CAMTA2: variants seen among roughly 807,000 people sequenced by gnomAD.
CAMTA2 encodes calmodulin binding transcription activator 2, also known as calmodulin-binding transcription activator 2.
CAMTA2 carries 56 observed loss-of-function variants against 135.7 expected under a neutral mutation model. That is an observed-to-expected ratio of 0.41 (90% CI 0.33 to 0.52). The LOEUF (loss-of-function observed/expected upper bound fraction) is 0.52. CAMTA2 is among the 20% of genes least tolerant of loss of function. CAMTA2 has a pLI of 0.16. For synonymous variants in CAMTA2, 591 were observed against 604.6 expected (o/e 0.98, Z 0.33); for missense variants, 1,358 against 1,553.4 (o/e 0.87, Z 2.11).
chr17:4,970,591 A>C (rs1000248186), intron 16 of CAMTA2, 55 bp from the exon 17 acceptor site: 2 of 1,423,286 alleles, frequency 1.4e-6, no homozygotes, highest in African/African-American at 1.4e-5. Context: ...GCCAGCTGTA[A>C]CCTCAGTCCA....
Position 4,986,954 on chromosome 17 carries a change from C to T in CAMTA2, c.-65+639G>A, listed in dbSNP as rs777935535. ...CCCCTGGCCTCCAGGCCTAGCCTAC[C>T]CCATCTACCGCTCTGGCTCCAGCCT... On this transcript the variant is annotated intron_variant, in intron 1 of 22. Transcript: ENST00000348066. 23 of 1,516,864 alleles carry T rather than the reference C, an allele frequency of 1.5e-5. No individual in the cohort carries two copies. The South Asian group carries it at 2.4e-4, about 16-fold the overall frequency. The allele number at this position is 1,516,864 out of a possible 1,614,324, so 94.0% of individuals were successfully genotyped here. A position where few individuals can be genotyped will look rare whatever the true frequency, so the allele number is the denominator to read the frequency against.
At chr17:4,973,334 A>G in intron 13 of CAMTA2, 81 bp from the exon 14 acceptor site, 1 of 1,177,284 alleles carries the variant, frequency 8.5e-7, no homozygotes, top group Non-Finnish European at 1.3e-6. Context: ...TAAAGGCACT[A>G]GGAGGCAAGC....
chr17:4,969,821 A>T lies in CAMTA2; in HGVS notation c.3189+81T>A, dbSNP rs1972154155. 6.3e-7 allele frequency: 1 copy of T among 1,590,070 alleles called. No individual in the cohort carries two copies. The highest frequency in any genetic ancestry group is 1.3e-5 in the African/African-American group (1 of 74,278). On this transcript the variant is annotated intron_variant, in intron 18 of 22. Transcript: ENST00000348066. This position sits in a 1 kb window ranked among gnomAD's most constrained non-coding sequence, Gnocchi z 5.6. ...CCATCCAAGGCCTGTCTGCACGACT[A>T]CTCATCCTCCAAAAGCCCTGGGAGC... is the stretch of plus-strand genomic sequence containing the variant.
chr17:4,983,159 T>C lies in CAMTA2; in HGVS notation c.136-116A>G, dbSNP rs984123567. On this transcript the variant is annotated intron_variant, in intron 3 of 22. Coordinates refer to ENST00000348066, the MANE Select transcript of CAMTA2 (RefSeq NM_015099.4). ...CTGAGTTCTGGCAGCTAGTGGAGGA[T>C]GCTTCTAGGTATCTGGACCCAGCAA... is the stretch of plus-strand genomic sequence containing the variant. 1.9e-5 allele frequency: 16 copies of C among 855,584 alleles called. 1 individual carries two copies. Among genetic ancestry groups the C allele is most frequent in the South Asian group, 2.8e-5 (2 of 71,978 alleles). The allele number at this position is 855,584 out of a possible 1,614,324, so 53.0% of individuals were successfully genotyped here.
At position 4,970,005 on chromosome 17, in the gene CAMTA2, C is replaced by G; in HGVS notation, c.3086G>C (p.Gly1029Ala). Reference protein sequence around the residue: ...WAEFLSASTSGKMESDFALLT... With the variant: ...WAEFLSASTSAKMESDFALLT... ...CAGGGCAAAATCACTTTCCATCTTG[C>G]CACTGGTGGATGCAGAGAGAAACTC... Residue 1029 changes from glycine (G) to alanine (A), a missense_variant, in exon 18 of 23, where the codon GGC becomes GCC. Gly to Ala is a moderately conservative substitution (Grantham distance 60). Around this residue, in one of 4 missense-constraint regions of CAMTA2, gnomAD observed 9 missense variants for 27.9 expected, o/e 0.32. Transcript: ENST00000348066. 1 of 1,614,198 alleles carries G rather than the reference C, an allele frequency of 6.2e-7. No homozygotes were observed. Among genetic ancestry groups the G allele is most frequent in the Non-Finnish European group, 8.5e-7 (1 of 1,180,038 alleles).
Position 4,969,625 on chromosome 17 carries a change from C to A in CAMTA2, c.3261+5G>T, listed in dbSNP as rs1972136911. On this transcript the variant is annotated splice_donor_5th_base_variant and intron_variant, in intron 19 of 22. Transcript: ENST00000348066. This position sits in a 1 kb window ranked among gnomAD's most constrained non-coding sequence, Gnocchi z 5.6. Reference sequence around the variant, plus strand: ...GGTTACACTTTTGAGGGAGAAGGGTCTCACCTGCTTGTACTTCCGGTAACA... The same window carrying A: ...GGTTACACTTTTGAGGGAGAAGGGTATCACCTGCTTGTACTTCCGGTAACA... The A allele has an allele frequency of 6.2e-7, 1 of 1,613,984 alleles. No homozygotes were observed. Among genetic ancestry groups the A allele is most frequent in the Non-Finnish European group, 8.5e-7 (1 of 1,179,996 alleles).
At chr17:4,978,361 G>A in intron 10 of CAMTA2, 143 bp downstream of exon 10, 1 of 805,286 alleles carries the variant, frequency 1.2e-6, no homozygotes, top group Non-Finnish European at 1.9e-6. Context: ...GAGAGCTTGG[G>A]GCTCAACCTC....
chr17:4,979,378 C>T (rs141773274), intron 9 of CAMTA2: 4,876 of 200,256 alleles, frequency 0.024, 236 homozygotes, highest in African/African-American at 0.11. Context: ...GGCGTGGTGG[C>T]GGTCACCTGT....
chr17:4,976,955 G>T, intron 11 of CAMTA2, 103 bp downstream of exon 11: 2 of 1,130,886 alleles, frequency 1.8e-6, no homozygotes, highest in Non-Finnish European at 1.2e-6. Context: ...AAATGGTAAA[G>T]TGGGGGCTCA....
intron 12 of CAMTA2, 64 bp downstream of exon 12, chr17:4,974,321 T>A (rs960862067): frequency 1.9e-6 from 2 of 1,049,944 alleles, no homozygotes; most frequent in Non-Finnish European, 3.0e-6. Flanking sequence ...GCACTAGATG[T>A]TTTCTTTAGC....
chr17:4,987,034 G>C (rs1236249736), intron 1 of CAMTA2: 28 of 1,418,810 alleles, frequency 2.0e-5, no homozygotes, highest in East Asian at 5.7e-5. Context: ...CTCTCAGCAC[G>C]GGCTCCGCCA....
At chr17:4,987,121 C>T in intron 1 of CAMTA2, 1 of 1,362,558 alleles carries the variant, frequency 7.3e-7, no homozygotes, top group South Asian at 1.8e-5. Flanking sequence ...GGTAAGGACT[C>T]CGCCCCAGGG....
At chr17:4,983,258 C>T in intron 3 of CAMTA2, 1 of 531,402 alleles carries the variant, frequency 1.9e-6, no homozygotes, top group East Asian at 3.2e-5. Context: ...AATTATTTTA[C>T]TCTCCAAAAA....
At position 4,968,251 on chromosome 17, in the gene CAMTA2, G is replaced by A. The variant is rs1305634324; in HGVS notation, c.*505C>T. The A allele has an allele frequency of 3.9e-6, 1 of 257,796 alleles. No individual in the cohort carries two copies. The allele number at this position is 257,796 out of a possible 1,614,324, so 16.0% of individuals were successfully genotyped here. A position where few individuals can be genotyped will look rare whatever the true frequency, so the allele number is the denominator to read the frequency against. The stretch of plus-strand genomic sequence containing the variant: ...ACACCACCTCCCCTTCGGCCCTGAG[G>A]TCAGTGGCCAGAGTCGGGTGATGGG... On this transcript the variant is annotated 3_prime_UTR_variant, in exon 23 of 23. Transcript: ENST00000348066.
rs148874211 is a variant in CAMTA2, at chr17:4,979,992, T to C, written c.1330A>G (p.Ile444Val). The C allele has an allele frequency of 1.2e-6, 2 of 1,613,572 alleles. No individual in the cohort carries two copies. Among genetic ancestry groups the C allele is most frequent in the Non-Finnish European group, 1.7e-6 (2 of 1,179,962 alleles). ...TCCTCCCCACTGTCATCATCTTGGA[T>C]GAAGAAGCAGTTTCCTCTTCTCCCA... ...AGGRRGNCFF[I>V]QDDDSGEELK... is the part of the protein sequence containing the mutation. Residue 444 changes from isoleucine (I) to valine (V), a missense_variant, in exon 9 of 23, where the codon ATC becomes GTC. Around this residue, in one of 4 missense-constraint regions of CAMTA2, gnomAD observed 1,077 missense variants for 1,127.5 expected, o/e 0.96. Transcript: ENST00000348066.
intron 1 of CAMTA2, chr17:4,987,228 AC>A (rs1973407206): frequency 7.5e-7 from 1 of 1,338,986 alleles, no homozygotes; most frequent in African/African-American, 1.5e-5. Flanking sequence ...GACGCTTGGC[AC>A]TCTGGGCGGC....
rs1423558425 is a variant in CAMTA2, at chr17:4,969,531, GAGA to G, written c.3262-14_3262-12del. The G allele has an allele frequency of 1.2e-6, 2 of 1,614,078 alleles. No individual in the cohort carries two copies. The highest frequency in any genetic ancestry group is 1.3e-5 in the African/African-American group (1 of 74,926). On this transcript the variant is annotated splice_polypyrimidine_tract_variant and intron_variant, in intron 19 of 22. Coordinates refer to ENST00000348066, the MANE Select transcript of CAMTA2 (RefSeq NM_015099.4). The surrounding 1 kb of genome is among the most constrained non-coding windows in gnomAD (Gnocchi z 5.6). ...TGCAATCCAGGTCAGCTTGTGGAGAGAGAAGGGGAGTTAGGGCTCTGGCAACAT... is the reference window on the plus strand; with the variant it reads ...TGCAATCCAGGTCAGCTTGTGGAGAGAGGGGAGTTAGGGCTCTGGCAACAT...
chr17:4,971,719 C>T lies in CAMTA2; in HGVS notation c.2808+513G>A, dbSNP rs189901911. On this transcript the variant is annotated intron_variant, in intron 16 of 22. Coordinates refer to ENST00000348066, the MANE Select transcript of CAMTA2 (RefSeq NM_015099.4). ...TTTTTTTTTTTTTTTGAGACAGTCTCAGTCTGTCACCCAGGCTGGAGTGCA... is the reference window on the plus strand; with the variant it reads ...TTTTTTTTTTTTTTTGAGACAGTCTTAGTCTGTCACCCAGGCTGGAGTGCA... Among the ~76,000 whole-genome samples, 44 of 131,622 alleles carry T rather than the reference C, an allele frequency of 3.3e-4. No homozygotes were observed. The East Asian group carries it at 8.7e-3, about 26-fold the overall frequency. 86.3% of individuals were successfully genotyped at this position (131,622 alleles called of 152,430 possible).
rs1297736521 is a variant in CAMTA2 at position 4,973,600 on chromosome 17, G to T, written c.2186C>A (p.Thr729Asn). 8.1e-6 allele frequency: 13 copies of T among 1,612,904 alleles called. No individual in the cohort carries two copies. The highest frequency in any genetic ancestry group is 1.1e-5 in the Non-Finnish European group (13 of 1,179,894). The change falls in exon 13 of 23, where the codon ACC becomes AAC. Residue 729 changes from threonine to asparagine, a missense_variant. By Grantham distance (65) the Thr-to-Asn change is moderately conservative. Transcript: ENST00000348066. ...AAQGYARLIE[T>N]LSQWRSVETG... is the part of the protein sequence containing the mutation. The stretch of plus-strand genomic sequence containing the variant: ...CCTTGCTCACCGCCACTGGCTCAGG[G>T]TCTCGATGAGGCGGGCATAGCCCTG...
Sources: gnomAD v4.1 joint callset for allele counts (sites outside exome capture counted in the v4.1 genomes callset) on GRCh38, gnomAD v4.1.1 for gene constraint, gnomAD v4.1.1 regional missense constraint, Gnocchi (gnomAD v3.1) non-coding constraint, MANE v1.5 for transcripts, NCBI Gene and HGNC (gene_info 2026-07-23, HGNC 2026-07-21) for gene names.